The following NRAP variants were observed in gnomAD, a reference collection of about 807,000 sequenced individuals.
NRAP encodes the protein nebulin-related-anchoring protein.
A neutral mutation model predicts 225.9 loss-of-function variants in NRAP; 189 were observed. The ratio of observed to expected loss-of-function variants is 0.84; its 90% CI spans 0.74 to 0.94. The LOEUF (loss-of-function observed/expected upper bound fraction) is 0.94. Among genes scored for constraint, NRAP ranks in the 40% least tolerant of loss-of-function variants. NRAP has a pLI of 0.00. For synonymous variants in NRAP, 769 were observed against 790.7 expected (o/e 0.97, Z 0.46); for missense variants, 2,176 against 2,168.7 (o/e 1.00, Z -0.07).
chr10:113,657,585 A>C lies in NRAP; in HGVS notation c.256-11T>G. On this transcript the variant is annotated splice_polypyrimidine_tract_variant and intron_variant, in intron 3 of 41. Transcript: ENST00000359988. ...TTCTTGGTCATGGATCTGCTCAAGG[A>C]AGATGTTGTCAGTAATGTTTCCATC... The C allele has an allele frequency of 4.3e-6, 6 of 1,390,756 alleles. No homozygotes were observed. Among genetic ancestry groups the C allele is most frequent in the Non-Finnish European group, 6.1e-6 (6 of 977,664 alleles). The allele number at this position is 1,390,756 out of a possible 1,614,324, so 86.2% of individuals were successfully genotyped here.
At chr10:113,627,326 GA>G (rs1329147814) in intron 20 of NRAP, among the ~76,000 whole-genome samples, 2 of 152,188 alleles carry the variant, frequency 1.3e-5, no homozygotes, top group Non-Finnish European at 2.9e-5. Flanking sequence ...GAGCAGCCAA[GA>G]AACTACTCCG....
At chr10:113,640,191 T>G (rs748836799) in intron 14 of NRAP, 36 bp downstream of exon 14, 2 of 1,243,468 alleles carry the variant, frequency 1.6e-6, no homozygotes, top group Non-Finnish European at 2.3e-6. Flanking sequence ...AAGCGACAAG[T>G]GACAAAGCAG....
intron 27 of NRAP, among the ~76,000 whole-genome samples, chr10:113,615,412 T>C (rs1847593476): frequency 6.6e-6 from 1 of 152,190 alleles, no homozygotes; most frequent in Non-Finnish European, 1.5e-5. Context: ...CTCAGCTATA[T>C]TCTGATGTTC....
chr10:113,610,431 G>T, intron 31 of NRAP, 28 bp downstream of exon 31: 5 of 1,000,456 alleles, frequency 5.0e-6, no homozygotes, highest in South Asian at 1.3e-5. Context: ...AAATGTCCTG[G>T]ACACTCAACA....
At chr10:113,622,578 G>A (rs1592787572) in intron 23 of NRAP, among the ~76,000 whole-genome samples, 1 of 152,150 alleles carries the variant, frequency 6.6e-6, no homozygotes, top group East Asian at 1.9e-4. Context: ...TAGGTCGAGA[G>A]TAACAAGGAC....
At position 113,604,901 on chromosome 10, in the gene NRAP, A is replaced by G; in HGVS notation, c.3935T>C (p.Phe1312Ser). ...TATGAGTTTCCCTCGCTCCTTCACA[A>G]AGTCATGTCTGTAGAGAAACTGCAA... Reference protein sequence around the residue: ...IASDFLYRHDFVKERGKLIGP... With the variant: ...IASDFLYRHDSVKERGKLIGP... The change falls in exon 35 of 42, where the codon TTT becomes TCT. Residue 1312 changes from phenylalanine to serine, a missense_variant. Coordinates refer to ENST00000359988, the MANE Select transcript of NRAP (RefSeq NM_198060.4). 6.2e-7 allele frequency: 1 copy of G among 1,613,196 alleles called. No individual in the cohort carries two copies. The highest frequency in any genetic ancestry group is 8.5e-7 in the Non-Finnish European group (1 of 1,179,300).
chr10:113,614,313 C>A lies in NRAP; in HGVS notation c.3187-17G>T, dbSNP rs183553421. 4.6e-6 allele frequency: 7 copies of A among 1,525,652 alleles called. No homozygotes were observed. In the Admixed American group the frequency reaches 1.0e-4, roughly 22 times the overall value. 94.5% of individuals were successfully genotyped at this position (1,525,652 alleles called of 1,614,324 possible). On this transcript the variant is annotated splice_polypyrimidine_tract_variant and intron_variant, in intron 28 of 41. Coordinates refer to ENST00000359988, the MANE Select transcript of NRAP (RefSeq NM_198060.4). Reference sequence around the variant, plus strand: ...GTATTTGTACTAAAGGGAAAGAGAGCGGGAGAGAGGAACAGCTCAGGGATA... The same window carrying A: ...GTATTTGTACTAAAGGGAAAGAGAGAGGGAGAGAGGAACAGCTCAGGGATA...
intron 14 of NRAP, among the ~76,000 whole-genome samples, chr10:113,636,257 G>C (rs915824228): frequency 4.6e-5 from 7 of 152,162 alleles, no homozygotes; most frequent in African/African-American, 1.4e-4. Context: ...GCCTTGGCCA[G>C]CCTCCTCTGG....
chr10:113,590,797 G>C lies in NRAP; in HGVS notation c.4737C>G (p.Asn1579Lys). The C allele has an allele frequency of 6.2e-7, 1 of 1,614,222 alleles. No individual in the cohort carries two copies. Among genetic ancestry groups the C allele is most frequent in the Non-Finnish European group, 8.5e-7 (1 of 1,180,020 alleles). ...DDDPRMKHFL[N>K]VGRLQSDNEY... ...CATTGTCACTCTGGAGCCTGCCAACGTTGAGGAAATGCTTCATCCTTGGGT... is the reference window on the plus strand; with the variant it reads ...CATTGTCACTCTGGAGCCTGCCAACCTTGAGGAAATGCTTCATCCTTGGGT... The change falls in exon 40 of 42, where the codon AAC (asparagine) becomes AAG (lysine). Residue 1579 changes from asparagine (N) to lysine (K), a missense_variant. Around this residue, in one of 3 missense-constraint regions of NRAP, gnomAD observed 445 missense variants for 426.1 expected, o/e 1.04. Transcript: ENST00000359988.
intron 16 of NRAP, among the ~76,000 whole-genome samples, chr10:113,632,833 G>GT (rs1564737955): frequency 2.0e-5 from 3 of 152,182 alleles, no homozygotes; most frequent in African/African-American, 4.8e-5. Flanking sequence ...GCATGTAGGG[G>GT]GGTGTGTGTG....
At chr10:113,607,258 CG>C (rs1847031592) in intron 32 of NRAP, among the ~76,000 whole-genome samples, 2 of 150,196 alleles carry the variant, frequency 1.3e-5, no homozygotes, top group African/African-American at 4.9e-5. Context: ...AAAAATTAGC[CG>C]GGCATGGTGG....
intron 31 of NRAP, 89 bp downstream of exon 31, chr10:113,610,370 A>AG (rs1847251856): frequency 2.9e-6 from 2 of 698,230 alleles, no homozygotes; most frequent in Non-Finnish European, 4.9e-6. Flanking sequence ...AAAAAAAAAA[A>AG]AAAGGAAGAA....
In NRAP at chr10:113,633,258, C is replaced by CT. The variant is rs138828935; in HGVS notation, c.1528-71dup. The stretch of plus-strand genomic sequence containing the variant: ...AAGAGAACTTTAGGGACCCATAGCT[C>CT]TTTCCCCCTTAGACCCATAGTTGAG... On this transcript the variant is annotated intron_variant, in intron 15 of 41. Transcript: ENST00000359988. The CT allele has an allele frequency of 4.3e-3, 3,679 of 864,768 alleles. 15 individuals carry two copies. Among genetic ancestry groups the CT allele is most frequent in the Non-Finnish European group, 6.4e-3 (3,241 of 507,174 alleles). 53.6% of individuals were successfully genotyped at this position (864,768 alleles called of 1,614,324 possible).
Position 113,604,722 on chromosome 10 carries a change from C to T in NRAP, c.4114G>A (p.Ala1372Thr). 6.2e-7 allele frequency: 1 copy of T among 1,614,190 alleles called. No homozygotes were observed. Among genetic ancestry groups the T allele is most frequent in the Non-Finnish European group, 8.5e-7 (1 of 1,180,042 alleles). Residue 1372 changes from alanine (A) to threonine (T), a missense_variant, in exon 35 of 42, where the codon GCC becomes ACC. Ala to Thr is a moderately conservative substitution (Grantham distance 58, BLOSUM62 0). This residue lies in a region of NRAP where 23 missense variants were observed against 47.1 expected (regional missense o/e 0.49). Coordinates refer to ENST00000359988, the MANE Select transcript of NRAP (RefSeq NM_198060.4). ...DMVHLVHAKNAQALASDHDYR... is the reference protein window; with the variant it reads ...DMVHLVHAKNTQALASDHDYR... ...TCGTGGTCGCTGGCCAGAGCCTGGG[C>T]ATTCTTGGCATGGACCAGGTGCACC...
At chr10:113,663,784 C>T in intron 1 of NRAP, 27 bp downstream of exon 1, 1 of 1,560,604 alleles carries the variant, frequency 6.4e-7, no homozygotes, top group Non-Finnish European at 8.8e-7. Context: ...TGTTATTATT[C>T]ACAAAAGCCA....
intron 34 of NRAP, among the ~76,000 whole-genome samples, chr10:113,605,436 A>G (rs1425384470): frequency 6.6e-6 from 1 of 152,202 alleles, no homozygotes; most frequent in African/African-American, 2.4e-5. Flanking sequence ...TGCAATTTCT[A>G]TTGAGAGTTC....
chr10:113,610,106 T>C (rs974965343), intron 31 of NRAP, among the ~76,000 whole-genome samples: 7 of 151,982 alleles, frequency 4.6e-5, no homozygotes, highest in Non-Finnish European at 7.4e-5. Flanking sequence ...TCCCAAAACT[T>C]TGGGAGGCCA....
intron 15 of NRAP, 133 bp from the exon 16 acceptor site, chr10:113,633,321 G>A: frequency 1.7e-6 from 1 of 584,114 alleles, no homozygotes; most frequent in Non-Finnish European, 3.1e-6. Context: ...AAGGCAGCCT[G>A]TACTTTTTGT....
rs773246440 is a variant in NRAP at position 113,633,128 on chromosome 10, G to A, written c.1588C>T (p.Pro530Ser). Residue 530 changes from proline (P) to serine (S), a missense_variant, in exon 16 of 42, where the codon CCT (proline) becomes TCT (serine). Around this residue, in one of 3 missense-constraint regions of NRAP, gnomAD observed 1,708 missense variants for 1,695.5 expected, o/e 1.01. Transcript: ENST00000359988. ...TTGGTTTTGGCCTTCACCAGCTGAG[G>A]AACATCCTGGGGCAATGTGTAATTC... ...KLNYTLPQDV[P>S]QLVKAKTNAK... 9.3e-6 allele frequency: 15 copies of A among 1,610,000 alleles called. No individual in the cohort carries two copies. In the Admixed American group the frequency reaches 2.0e-4, roughly 21 times the overall value.
Sources: allele counts gnomAD v4.1 joint callset (sites outside exome capture counted in the v4.1 genomes callset), GRCh38; gene constraint gnomAD v4.1.1; regional missense constraint gnomAD v4.1.1; transcripts MANE v1.5; gene names NCBI Gene and HGNC (gene_info 2026-07-23, HGNC 2026-07-21).